The following SYT10 variants were observed in gnomAD, a reference collection of about 807,000 sequenced individuals.
The protein encoded by SYT10 is synaptotagmin-10.
A neutral mutation model predicts 51.1 loss-of-function variants in SYT10; 31 were observed. The observed-to-expected ratio is 0.61, with a 90% CI of 0.46 to 0.82. The LOEUF (loss-of-function observed/expected upper bound fraction) is 0.82, where lower values mean the gene tolerates loss of function less well. Among genes scored for constraint, SYT10 ranks in the 40% least tolerant of loss-of-function variants. SYT10 has a pLI of 0.00. For missense variants in SYT10, 603 were observed against 634.0 expected (o/e 0.95, Z 0.53); for synonymous variants, 233 against 225.9 (o/e 1.03, Z -0.28).
chr12:33,382,260 G>A, intron 5 of SYT10, 89 bp downstream of exon 5: 1 of 1,154,184 alleles, frequency 8.7e-7, no homozygotes. Flanking sequence ...AATTAAAACT[G>A]TTGTGGCAGT....
Position 33,439,637 on chromosome 12 carries a change from T to G in SYT10, c.-115A>C. On this transcript the variant is annotated 5_prime_UTR_variant, in exon 1 of 7. Transcript: ENST00000228567. ...ATAGTCCGCCCGCGGTGACTTTGGC[T>G]GGAGATTGCGCCGCTGAGAGCCGGC... is the stretch of plus-strand genomic sequence containing the variant. 1.5e-6 allele frequency: 2 copies of G among 1,325,468 alleles called. No individual in the cohort carries two copies. Among genetic ancestry groups the G allele is most frequent in the Non-Finnish European group, 1.0e-6 (1 of 976,822 alleles). The allele number at this position is 1,325,468 out of a possible 1,614,324, so 82.1% of individuals were successfully genotyped here.
chr12:33,433,101 G>T (rs1866610168), intron 1 of SYT10, among the ~76,000 whole-genome samples: 1 of 152,068 alleles, frequency 6.6e-6, no homozygotes, highest in African/African-American at 2.4e-5. Flanking sequence ...AATAATAAAA[G>T]AAGCCATCTC....
At chr12:33,387,846 C>T (rs1161771557) in intron 3 of SYT10, among the ~76,000 whole-genome samples, 1 of 151,022 alleles carries the variant, frequency 6.6e-6, no homozygotes, top group South Asian at 2.1e-4. Context: ...ACCTCTCGGG[C>T]TCAGGTGATC....
chr12:33,439,300 C>T (rs1866663788), intron 1 of SYT10, 72 bp downstream of exon 1: 14 of 1,539,422 alleles, frequency 9.1e-6, no homozygotes, highest in Middle Eastern at 2.4e-4. Context: ...AGGCGCAGAA[C>T]CCCGGAGCTT....
chr12:33,403,271 T>G (rs182646244), intron 3 of SYT10, among the ~76,000 whole-genome samples: 13 of 150,182 alleles, frequency 8.7e-5, no homozygotes, highest in Admixed American at 7.3e-4. Context: ...CTCACTCTGT[T>G]GCCCAGGCTG....
At chr12:33,384,314 C>T (rs529437613) in intron 4 of SYT10, among the ~76,000 whole-genome samples, 1 of 152,088 alleles carries the variant, frequency 6.6e-6, no homozygotes, top group African/African-American at 2.4e-5. Flanking sequence ...GGAGCTATTT[C>T]CACACCAGAA....
intron 3 of SYT10, 29 bp from the exon 4 acceptor site, chr12:33,385,320 T>G (rs1565490956): frequency 8.1e-6 from 13 of 1,609,914 alleles, no homozygotes; most frequent in Non-Finnish European, 1.0e-5. Context: ...TGTTAGCAAT[T>G]TCAAACATTG....
chr12:33,380,813 G>T (rs1206872166), intron 5 of SYT10, among the ~76,000 whole-genome samples: 3 of 152,142 alleles, frequency 2.0e-5, no homozygotes, highest in Non-Finnish European at 2.9e-5. Context: ...TTGTGGTTAA[G>T]TTGCTTCTCA....
chr12:33,439,246 T>C (rs2138446674), intron 1 of SYT10, 126 bp downstream of exon 1: 4 of 1,246,664 alleles, frequency 3.2e-6, no homozygotes, highest in East Asian at 4.8e-5. Flanking sequence ...AGGAGCGAGG[T>C]AGGAAAGCGT....
At chr12:33,413,994 C>T (rs931859774) in intron 2 of SYT10, among the ~76,000 whole-genome samples, 1 of 151,874 alleles carries the variant, frequency 6.6e-6, no homozygotes, top group Non-Finnish European at 1.5e-5. Flanking sequence ...GGAAGATCTA[C>T]CAAGCAAATG....
intron 3 of SYT10, among the ~76,000 whole-genome samples, chr12:33,399,497 A>G (rs1444434146): frequency 2.0e-5 from 3 of 152,222 alleles, no homozygotes; most frequent in East Asian, 1.9e-4. Flanking sequence ...CTTACCTACA[A>G]TCTTTCCCAT....
intron 2 of SYT10, among the ~76,000 whole-genome samples, chr12:33,414,718 G>A (rs1485346321): frequency 6.6e-6 from 1 of 152,164 alleles, no homozygotes; most frequent in Non-Finnish European, 1.5e-5. Context: ...ATGCCCACAA[G>A]AGAAAGCAGG....
intron 2 of SYT10, among the ~76,000 whole-genome samples, chr12:33,423,065 C>T (rs1054629132): frequency 2.6e-5 from 4 of 152,040 alleles, no homozygotes; most frequent in African/African-American, 7.2e-5. Context: ...TGTTTGGTTG[C>T]CTGGCAGGCT....
rs972624598 is a variant in SYT10, at chr12:33,409,839, T to C, written c.510-2483A>G. ...GAAGTAGTGACAGGAGCTGAGGATG[T>C]TGAACCTAGAAAGGAGAAGTTGAAG... On this transcript the variant is annotated intron_variant, in intron 2 of 6. Coordinates refer to ENST00000228567, the MANE Select transcript of SYT10 (RefSeq NM_198992.4). 6.7e-5 allele frequency among the ~76,000 whole-genome samples: 8 copies of C among 119,426 alleles called. No individual in the cohort carries two copies. In the Admixed American group the frequency reaches 6.7e-4, roughly 10 times the overall value. 78.3% of individuals were successfully genotyped at this position (119,426 alleles called of 152,430 possible). A position where few individuals can be genotyped will look rare whatever the true frequency, so the allele number is the denominator to read the frequency against.
In SYT10 at chr12:33,379,818, A is replaced by C; in HGVS notation, c.1500+14T>G. On this transcript the variant is annotated intron_variant, in intron 6 of 6. Transcript: ENST00000228567. ...ACAACAAAAAGAGCAGACGTAAGGA[A>C]CTCACAAGCTTACCTCCAGCAATGG... is the stretch of plus-strand genomic sequence containing the variant. 1 of 1,613,614 alleles carries C rather than the reference A, an allele frequency of 6.2e-7. No individual in the cohort carries two copies. Among genetic ancestry groups the C allele is most frequent in the Non-Finnish European group, 8.5e-7 (1 of 1,179,730 alleles).
At chr12:33,388,713 T>G (rs1866178811) in intron 3 of SYT10, among the ~76,000 whole-genome samples, 1 of 152,168 alleles carries the variant, frequency 6.6e-6, no homozygotes, top group Non-Finnish European at 1.5e-5. Context: ...AGGTTATAAA[T>G]TTGATTTCTT....
chr12:33,380,003 A>G, intron 5 of SYT10, 42 bp from the exon 6 acceptor site: 1 of 1,558,594 alleles, frequency 6.4e-7, no homozygotes, highest in Non-Finnish European at 8.7e-7. Context: ...CCAACATTCA[A>G]AGATAAAGGG....
rs1866045039 is a variant in SYT10 at position 33,374,315 on chromosome 12, G to C, written c.*2515C>G. On this transcript the variant is annotated 3_prime_UTR_variant, in exon 7 of 7. Coordinates refer to ENST00000228567, the MANE Select transcript of SYT10 (RefSeq NM_198992.4). Reference sequence around the variant, plus strand: ...GAAATTAGATGTTCATTATATACCTGAACTGCAGCTTCATAATGTGTCAGT... The same window carrying C: ...GAAATTAGATGTTCATTATATACCTCAACTGCAGCTTCATAATGTGTCAGT... The C allele has an allele frequency of 6.6e-6, 1 of 151,614 alleles. No individual in the cohort carries two copies. The highest frequency in any genetic ancestry group is 6.6e-5 in the Admixed American group (1 of 15,186). The allele number at this position is 151,614 out of a possible 1,614,324, so 9.4% of individuals were successfully genotyped here. A position where few individuals can be genotyped will look rare whatever the true frequency, so the allele number is the denominator to read the frequency against.
At chr12:33,382,596 C>T in intron 4 of SYT10, 76 bp from the exon 5 acceptor site, 3 of 1,354,496 alleles carry the variant, frequency 2.2e-6, no homozygotes, top group Non-Finnish European at 2.9e-6. Flanking sequence ...TTTATTTTTA[C>T]TAAATAAGAC....
Sources: gnomAD v4.1 joint callset for allele counts (sites outside exome capture counted in the v4.1 genomes callset) on GRCh38, gnomAD v4.1.1 for gene constraint, MANE v1.5 for transcripts, NCBI Gene and HGNC (gene_info 2026-07-23, HGNC 2026-07-21) for gene names.